PIGR: variants seen among roughly 807,000 people sequenced by gnomAD.
PIGR encodes hepatocellular carcinoma associated protein TB6.
A neutral mutation model predicts 69.5 loss-of-function variants in PIGR; 22 were observed. The observed-to-expected ratio is 0.32, with a 90% CI of 0.23 to 0.45. PIGR has a LOEUF of 0.45. Among genes scored for constraint, PIGR ranks in the 20% least tolerant of loss-of-function variants. The pLI is 1.00. For missense variants in PIGR, 885 were observed against 974.0 expected, an observed-to-expected ratio of 0.91 and a Z score of 1.22; for synonymous variants, 413 against 407.6, an observed-to-expected ratio of 1.01 and a Z score of -0.16.
At chr1:206,934,055 T>C (rs1406594214) in intron 6 of PIGR, among the ~76,000 whole-genome samples, 1 of 152,094 alleles carries the variant, frequency 6.6e-6, no homozygotes, top group Non-Finnish European at 1.5e-5. Flanking sequence ...AGAGACGAGT[T>C]TTCTCCATGT....
chr1:206,944,992 T>G (rs1278568786), intron 1 of PIGR, among the ~76,000 whole-genome samples: 3 of 152,116 alleles, frequency 2.0e-5, no homozygotes, highest in Non-Finnish European at 4.4e-5. Flanking sequence ...CCAGGGCAAG[T>G]GGGTTTACTA....
At position 206,937,642 on chromosome 1, in the gene PIGR, G is replaced by A. The variant is rs535600613; in HGVS notation, c.498C>T (p.Tyr166=). 1.9e-6 allele frequency: 3 copies of A among 1,613,750 alleles called. No individual in the cohort carries two copies. The highest frequency in any genetic ancestry group is 1.7e-6 in the Non-Finnish European group (2 of 1,179,846). ...TENAQKRKSL[Y]KQIGLYPVLV... is the part of the protein sequence containing the mutation. The stretch of plus-strand genomic sequence containing the variant: ...GCACAGGGTACAGGCCTATCTGCTT[G>A]TACAAGGACTTCCTCTTTTGAGCAT... The change falls in exon 4 of 11, where the codon TAC becomes TAT. Residue 166 remains tyrosine (Y), a synonymous_variant. Transcript: ENST00000356495.
intron 5 of PIGR, 41 bp from the exon 6 acceptor site, chr1:206,934,787 T>G: frequency 7.0e-7 from 1 of 1,437,364 alleles, no homozygotes; most frequent in Non-Finnish European, 9.6e-7. Context: ...CAGAAGTTGG[T>G]ACTTGGAGAT....
In PIGR at chr1:206,935,960, A is replaced by T; in HGVS notation, c.1046-142T>A. On this transcript the variant is annotated intron_variant, in intron 4 of 10. Coordinates refer to ENST00000356495, the MANE Select transcript of PIGR (RefSeq NM_002644.4). This position sits in a 1 kb window ranked among gnomAD's most constrained non-coding sequence, Gnocchi z 4.4. ...TCACCTTACCCTCTTCAGAAAATGA[A>T]AAGGAGCTTTCCTAATGTCACAGAG... The T allele has an allele frequency of 1.6e-6, 1 of 633,678 alleles. No individual in the cohort carries two copies. Among genetic ancestry groups the T allele is most frequent in the Non-Finnish European group, 2.7e-6 (1 of 364,932 alleles). The allele number at this position is 633,678 out of a possible 1,614,324, so 39.3% of individuals were successfully genotyped here. A position where few individuals can be genotyped will look rare whatever the true frequency, so the allele number is the denominator to read the frequency against.
chr1:206,940,144 A>G (rs181814386), intron 2 of PIGR, among the ~76,000 whole-genome samples: 1 of 152,170 alleles, frequency 6.6e-6, no homozygotes, highest in Non-Finnish European at 1.5e-5. Flanking sequence ...TTTTTCCCCC[A>G]GATAAAAATA....
In PIGR at chr1:206,933,258, T is replaced by C. The variant is rs1304454150; in HGVS notation, c.1706-92A>G. The C allele has an allele frequency of 9.1e-6, 12 of 1,325,058 alleles. No homozygotes were observed. In the East Asian group the frequency reaches 2.4e-4, roughly 26 times the overall value. The allele number at this position is 1,325,058 out of a possible 1,614,324, so 82.1% of individuals were successfully genotyped here. A position where few individuals can be genotyped will look rare whatever the true frequency, so the allele number is the denominator to read the frequency against. ...AGTCTGGGGGAGACTTCATGAGGAATCACAGGGTCAGGGTTCGATCTCAAG... is the reference window on the plus strand; with the variant it reads ...AGTCTGGGGGAGACTTCATGAGGAACCACAGGGTCAGGGTTCGATCTCAAG... On this transcript the variant is annotated intron_variant, in intron 6 of 10. Coordinates refer to ENST00000356495, the MANE Select transcript of PIGR (RefSeq NM_002644.4).
chr1:206,944,983 C>G (rs1680075345), intron 1 of PIGR, among the ~76,000 whole-genome samples: 1 of 152,158 alleles, frequency 6.6e-6, no homozygotes, highest in South Asian at 2.1e-4. Flanking sequence ...TGTGAAAGCC[C>G]AGGGCAAGTG....
intron 6 of PIGR, 73 bp from the exon 7 acceptor site, chr1:206,933,239 G>A (rs1365541537): frequency 6.8e-7 from 1 of 1,468,908 alleles, no homozygotes; most frequent in Non-Finnish European, 9.3e-7. Flanking sequence ...AAGGAGTCTG[G>A]GGGAGACTTC....
At chr1:206,932,958 G>A (rs754458638) in intron 7 of PIGR, 28 bp downstream of exon 7, 38 of 1,610,788 alleles carry the variant, frequency 2.4e-5, no homozygotes, top group Admixed American at 3.3e-5. Flanking sequence ...GGTGTTCTCC[G>A]AGTGGGGAGC....
intron 1 of PIGR, among the ~76,000 whole-genome samples, chr1:206,942,938 C>T (rs2102604409): frequency 6.6e-6 from 1 of 152,292 alleles, no homozygotes; most frequent in South Asian, 2.1e-4. Flanking sequence ...GGAACAGGAG[C>T]TCTTCTTTGC....
chr1:206,939,787 C>T (rs1679945088), intron 2 of PIGR, among the ~76,000 whole-genome samples: 1 of 152,150 alleles, frequency 6.6e-6, no homozygotes, highest in Non-Finnish European at 1.5e-5. Flanking sequence ...TGTGCAGTGG[C>T]ACGATCTCGG....
Position 206,930,305 on chromosome 1 carries a change from GC to G in PIGR, c.*12del. ...TGATTGTCATGGGTGCAGGGAGCAG[GC>G]GGCGACACCGTCTAGGCTTCCTGGG... On this transcript the variant is annotated 3_prime_UTR_variant, in exon 11 of 11. Transcript: ENST00000356495. This position sits in a 1 kb window ranked among gnomAD's most constrained non-coding sequence, Gnocchi z 4.3. 6.2e-7 allele frequency: 1 copy of G among 1,606,420 alleles called. No homozygotes were observed. Among genetic ancestry groups the G allele is most frequent in the Non-Finnish European group, 8.5e-7 (1 of 1,175,666 alleles).
intron 1 of PIGR, among the ~76,000 whole-genome samples, chr1:206,945,056 C>T (rs923662997): frequency 4.6e-5 from 7 of 152,146 alleles, no homozygotes; most frequent in Non-Finnish European, 7.4e-5. Flanking sequence ...AGAGGTCTAG[C>T]GGCACTAGGA....
chr1:206,934,857 A>G, intron 5 of PIGR, 111 bp from the exon 6 acceptor site: 1 of 622,322 alleles, frequency 1.6e-6, no homozygotes, highest in Non-Finnish European at 2.5e-6. Flanking sequence ...ATATATATAT[A>G]TATTTTTGTT....
At chr1:206,933,932 C>T (rs910099567) in intron 6 of PIGR, among the ~76,000 whole-genome samples, 14 of 151,194 alleles carry the variant, frequency 9.3e-5, no homozygotes, top group African/African-American at 1.7e-4. Flanking sequence ...TGTGGTGGCA[C>T]GATCTCAGTT....
In PIGR at chr1:206,932,466, C is replaced by T. The variant is rs778254851; in HGVS notation, c.1998G>A (p.Arg666=). The T allele has an allele frequency of 2.0e-5, 32 of 1,611,418 alleles. No homozygotes were observed. The African/African-American group carries it at 3.1e-4, about 15-fold the overall frequency. Residue 666 remains arginine (R), a synonymous_variant, in exon 8 of 11, where the codon AGG becomes AGA. Transcript: ENST00000356495. ...VAVGVARARH[R]KNVDRVSIRS... is the part of the protein sequence containing the mutation. ...ATCCCAGGGACTCACCGACGTTCTT[C>T]CTGTGCCGGGCTCTGGCCACCCCCA...
intron 1 of PIGR, among the ~76,000 whole-genome samples, chr1:206,942,156 A>G (rs192883996): frequency 2.0e-5 from 3 of 152,340 alleles, no homozygotes; most frequent in African/African-American, 7.2e-5. Flanking sequence ...AGGGAGTGGG[A>G]ACAAATATGG....
At position 206,934,562 on chromosome 1, in the gene PIGR, G is replaced by A. The variant is rs144101100; in HGVS notation, c.1563C>T (p.Asp521=). The A allele has an allele frequency of 4.5e-5, 72 of 1,614,228 alleles. No homozygotes were observed. The highest frequency in any genetic ancestry group is 6.7e-5 in the East Asian group (3 of 44,882). Residue 521 remains aspartate (D), a synonymous_variant, in exon 6 of 11, where the codon GAC becomes GAT. Coordinates refer to ENST00000356495, the MANE Select transcript of PIGR (RefSeq NM_002644.4). Reference sequence around the variant, plus strand: ...TCAGGGAGACAAGCCGGCTGTTCTCGTCACAGTTCACGAAGGCCTTGCTGG... The same window carrying A: ...TCAGGGAGACAAGCCGGCTGTTCTCATCACAGTTCACGAAGGCCTTGCTGG... The part of the protein sequence containing the change: ...EGPSKAFVNC[D]ENSRLVSLTL...
At chr1:206,939,530 C>G (rs1679940054) in intron 2 of PIGR, 67 bp from the exon 3 acceptor site, 3 of 1,131,188 alleles carry the variant, frequency 2.7e-6, no homozygotes, top group Non-Finnish European at 3.9e-6. Flanking sequence ...AGATAACCCA[C>G]TATGAGTAGA....
Sources: gnomAD v4.1 joint callset for allele counts (sites outside exome capture counted in the v4.1 genomes callset) on GRCh38, gnomAD v4.1.1 for gene constraint, Gnocchi (gnomAD v3.1) non-coding constraint, MANE v1.5 for transcripts, NCBI Gene and HGNC (gene_info 2026-07-23, HGNC 2026-07-21) for gene names.